MCTP2: variants seen among roughly 807,000 people sequenced by gnomAD.
MCTP2 encodes multiple C2 and transmembrane domain containing 2.
MCTP2 carries 132 observed loss-of-function variants against 111.6 expected under a neutral mutation model. The ratio of observed to expected loss-of-function variants is 1.18; its 90% CI spans 1.03 to 1.37. The LOEUF (loss-of-function observed/expected upper bound fraction) is 1.37. Ranked by LOEUF, MCTP2 falls within the 40% of genes most tolerant of loss-of-function variation. The probability of loss-of-function intolerance (pLI) is 0.00; values close to 1 mark genes in which losing one functional copy is unlikely to be tolerated. For missense variants in MCTP2, 1,183 were observed against 1,067.9 expected, an observed-to-expected ratio of 1.11 and a Z score of -1.50; for synonymous variants, 395 against 387.7, an observed-to-expected ratio of 1.02 and a Z score of -0.22.
Position 94,369,493 on chromosome 15 carries a change from A to G in MCTP2, c.1489-594A>G, listed in dbSNP as rs557848837. On this transcript the variant is annotated intron_variant, in intron 11 of 22. Transcript: ENST00000357742. ...GTGCTTAAGAATGAGCAGTAGATACATTCAGACTTTGGCTGGTACAAACTC... is the reference window on the plus strand; with the variant it reads ...GTGCTTAAGAATGAGCAGTAGATACGTTCAGACTTTGGCTGGTACAAACTC... Among the ~76,000 whole-genome samples the G allele has an allele frequency of 2.0e-5, 3 of 152,356 alleles. No homozygotes were observed. The East Asian group carries it at 5.8e-4, about 29-fold the overall frequency.
chr15:94,456,281 G>A (rs1020149942), intron 19 of MCTP2, among the ~76,000 whole-genome samples: 1 of 152,140 alleles, frequency 6.6e-6, no homozygotes, highest in Non-Finnish European at 1.5e-5. Context: ...ACTAACTCAT[G>A]CTTTCTTCAC....
intron 12 of MCTP2, among the ~76,000 whole-genome samples, chr15:94,372,683 C>G (rs947147287): frequency 3.9e-5 from 6 of 152,064 alleles, no homozygotes; most frequent in Admixed American, 6.6e-5. Context: ...ATAAGTATTT[C>G]TACTCTATGC....
intron 2 of MCTP2, among the ~76,000 whole-genome samples, chr15:94,311,016 CTTTT>C (rs761053094): frequency 1.6e-5 from 2 of 127,986 alleles, no homozygotes; most frequent in Admixed American, 8.5e-5. Flanking sequence ...GGGAACTTTC[CTTTT>C]TTTTTTTTTT....
chr15:94,390,090 G>GTGTATA (rs1333977961), intron 14 of MCTP2, among the ~76,000 whole-genome samples: 2 of 64,926 alleles, frequency 3.1e-5, no homozygotes, highest in Admixed American at 1.9e-4. Context: ...ATATATATAT[G>GTGTATA]TATATATATA....
chr15:94,471,355 A>G (rs2073913440), intron 21 of MCTP2, among the ~76,000 whole-genome samples: 1 of 152,222 alleles, frequency 6.6e-6, no homozygotes, highest in South Asian at 2.1e-4. Context: ...AGACGCATTC[A>G]TCCTTAAGCA....
intron 1 of MCTP2, among the ~76,000 whole-genome samples, chr15:94,239,188 A>G (rs2070766602): frequency 6.6e-6 from 1 of 152,194 alleles, no homozygotes; most frequent in Non-Finnish European, 1.5e-5. Context: ...TGGGTAATAT[A>G]TCAAAAAATA....
chr15:94,398,934 G>A (rs1390752188), intron 14 of MCTP2, 27 bp from the exon 15 acceptor site: 1 of 1,363,048 alleles, frequency 7.3e-7, no homozygotes, highest in Non-Finnish European at 1.0e-6. Flanking sequence ...TTGCACCAAT[G>A]TGTATTTTGT....
At position 94,434,184 on chromosome 15, in the gene MCTP2, C is replaced by G. The variant is rs561778886; in HGVS notation, c.2086-5992C>G. ...TGGTGCAGTCATGGGTCACTGCATC[C>G]TCTAGCCTCTAGGCTTGAGTGATTT... On this transcript the variant is annotated intron_variant, in intron 17 of 22. Coordinates refer to ENST00000357742, the MANE Select transcript of MCTP2 (RefSeq NM_001385001.1). Among the ~76,000 whole-genome samples, 21 of 152,028 alleles carry G rather than the reference C, an allele frequency of 1.4e-4. 1 individual carries two copies. In the South Asian group the frequency reaches 2.5e-3, roughly 18 times the overall value.
chr15:94,328,207 C>G (rs1199065132), intron 4 of MCTP2, among the ~76,000 whole-genome samples: 1 of 150,868 alleles, frequency 6.6e-6, no homozygotes, highest in Non-Finnish European at 1.5e-5. Flanking sequence ...CGGCTCACTG[C>G]AGGCTCTGCC....
chr15:94,296,442 G>A (rs1358618009), intron 1 of MCTP2, among the ~76,000 whole-genome samples: 1 of 152,174 alleles, frequency 6.6e-6, no homozygotes, highest in Non-Finnish European at 1.5e-5. Flanking sequence ...ACCTAGCACT[G>A]TTCTAGATAC....
intron 17 of MCTP2, among the ~76,000 whole-genome samples, chr15:94,437,584 C>T (rs1458892967): frequency 6.6e-6 from 1 of 151,904 alleles, no homozygotes; most frequent in Non-Finnish European, 1.5e-5. Flanking sequence ...ATTATCAAGA[C>T]AATCTCAGTC....
chr15:94,435,695 G>C lies in MCTP2; in HGVS notation c.2086-4481G>C, dbSNP rs535115758. ...CGCCCAGGCTGGAGTGCAGTGGCGC[G>C]ATCTCGGCTCACTGCAAGCTCCGCC... is the stretch of plus-strand genomic sequence containing the variant. On this transcript the variant is annotated intron_variant, in intron 17 of 22. Coordinates refer to ENST00000357742, the MANE Select transcript of MCTP2 (RefSeq NM_001385001.1). 3.8e-5 allele frequency among the ~76,000 whole-genome samples: 5 copies of C among 131,036 alleles called. 1 individual carries two copies. Among genetic ancestry groups the C allele is most frequent in the Non-Finnish European group, 8.2e-5 (5 of 61,030 alleles). 86.0% of individuals were successfully genotyped at this position (131,036 alleles called of 152,430 possible). A position where few individuals can be genotyped will look rare whatever the true frequency, so the allele number is the denominator to read the frequency against.
intron 19 of MCTP2, among the ~76,000 whole-genome samples, chr15:94,444,622 T>G (rs987923525): frequency 2.6e-5 from 4 of 152,198 alleles, no homozygotes; most frequent in African/African-American, 9.7e-5. Flanking sequence ...TGGAGCTATT[T>G]TAGGAACTGA....
chr15:94,402,131 T>A, intron 17 of MCTP2, 112 bp downstream of exon 17: 1 of 1,384,990 alleles, frequency 7.2e-7, no homozygotes, highest in Non-Finnish European at 9.7e-7. Context: ...TCTAAGACAG[T>A]ACTTAGGTCA....
At chr15:94,254,524 G>T (rs565785601) in intron 1 of MCTP2, among the ~76,000 whole-genome samples, 5 of 152,274 alleles carry the variant, frequency 3.3e-5, no homozygotes, top group Non-Finnish European at 5.9e-5. Context: ...GACAGTGCCT[G>T]CACTTAGTCA....
intron 8 of MCTP2, among the ~76,000 whole-genome samples, chr15:94,355,234 G>A (rs2078551358): frequency 6.6e-6 from 1 of 152,210 alleles, no homozygotes; most frequent in African/African-American, 2.4e-5. Flanking sequence ...AAAAACAAAT[G>A]TGGATTTTGC....
rs2080860809 is a variant in MCTP2 at position 94,390,116 on chromosome 15, A to ATG, written c.1788+4592_1788+4593insGT. Reference sequence around the variant, plus strand: ...TATATATATATATATATATATATGTATATATATATATATATACTTAGATGT... The same window carrying ATG: ...TATATATATATATATATATATATGTATGTATATATATATATATACTTAGATGT... On this transcript the variant is annotated intron_variant, in intron 14 of 22. Transcript: ENST00000357742. Among the ~76,000 whole-genome samples the ATG allele has an allele frequency of 1.8e-4, 9 of 49,128 alleles. 1 individual carries two copies. The Admixed American group carries it at 1.9e-3, about 10-fold the overall frequency. The allele number at this position is 49,128 out of a possible 152,430, so 32.2% of individuals were successfully genotyped here. A position where few individuals can be genotyped will look rare whatever the true frequency, so the allele number is the denominator to read the frequency against.
At chr15:94,382,243 A>C (rs931576803) in intron 12 of MCTP2, among the ~76,000 whole-genome samples, 1 of 152,250 alleles carries the variant, frequency 6.6e-6, no homozygotes, top group East Asian at 1.9e-4. Flanking sequence ...TCTTGTGCTT[A>C]AGTATTCTTT....
Position 94,339,319 on chromosome 15 carries a change from C to A in MCTP2, c.667C>A (p.Leu223Met). The A allele has an allele frequency of 6.2e-7, 1 of 1,607,964 alleles. No homozygotes were observed. The highest frequency in any genetic ancestry group is 8.5e-7 in the Non-Finnish European group (1 of 1,177,168). The change falls in exon 5 of 23, where the codon CTG (leucine) becomes ATG (methionine). Residue 223 changes from leucine to methionine, a missense_variant. Physicochemically the swap from Leu to Met is conservative, Grantham distance 15. Transcript: ENST00000357742. The stretch of plus-strand genomic sequence containing the variant: ...AAGTGATCCTTATGTGAAATTTAAG[C>A]TGAATGGGAAGACGCTGTACAAAAG... ...GTSDPYVKFK[L>M]NGKTLYKSKV...
Sources: gnomAD v4.1 joint callset for allele counts (sites outside exome capture counted in the v4.1 genomes callset) on GRCh38, gnomAD v4.1.1 for gene constraint, MANE v1.5 for transcripts, NCBI Gene and HGNC (gene_info 2026-07-23, HGNC 2026-07-21) for gene names.